The following INF2 variants were observed in gnomAD, a reference collection of about 807,000 sequenced individuals.
The protein encoded by INF2 is inverted formin-2.
Under a neutral mutation model 123.5 loss-of-function variants are expected in INF2, and 43 were observed. That is an observed-to-expected ratio of 0.35 (90% CI 0.27 to 0.45). INF2 has a LOEUF of 0.45. Ranked by LOEUF, INF2 falls within the 20% of genes least tolerant of loss-of-function variation. The pLI, the probability that INF2 is intolerant of heterozygous loss-of-function variation, is 1.00. For missense variants in INF2, 1,453 were observed against 1,682.7 expected (o/e 0.86, Z 2.39); for synonymous variants, 851 against 745.0 (o/e 1.14, Z -2.32).
chr14:104,702,505 C>T (rs1239070063), intron 2 of INF2, among the ~76,000 whole-genome samples: 1 of 152,232 alleles, frequency 6.6e-6, no homozygotes, highest in Non-Finnish European at 1.5e-5. Flanking sequence ...CAGGTCCTAC[C>T]GATGCTTGGG....
chr14:104,696,494 A>T (rs1889197641), intron 1 of INF2, among the ~76,000 whole-genome samples: 1 of 152,208 alleles, frequency 6.6e-6, no homozygotes, highest in South Asian at 2.1e-4. Context: ...CCACCAGGTC[A>T]GTAGAGGTCC....
rs1407364340 is a variant in INF2, at chr14:104,714,332, C to G, written c.3170C>G (p.Pro1057Arg). ...CTTGTAGACGCCGTGACCCCCGGCC[C>G]TCAGCCCACCCTGGAGCAGTTGGAG... ...WDLVDAVTPGPQPTLEQLEEG... is the reference protein window; with the variant it reads ...WDLVDAVTPGRQPTLEQLEEG... Residue 1057 changes from proline (P) to arginine (R), a missense_variant, in exon 21 of 23, where the codon CCT (proline) becomes CGT (arginine). Coordinates refer to ENST00000392634, the MANE Select transcript of INF2 (RefSeq NM_022489.4). 1.9e-6 allele frequency: 3 copies of G among 1,591,930 alleles called. No homozygotes were observed. The East Asian group carries it at 6.9e-5, about 36-fold the overall frequency.
rs1394197712 is a variant in INF2 at position 104,707,931 on chromosome 14, G to A, written c.1664G>A (p.Arg555Gln). The A allele has an allele frequency of 2.5e-6, 4 of 1,600,110 alleles. No individual in the cohort carries two copies. The highest frequency in any genetic ancestry group is 1.7e-5 in the Admixed American group (1 of 59,990). The change falls in exon 8 of 23, where the codon CGG becomes CAG. Residue 555 changes from arginine (R) to glutamine (Q), a missense_variant. By Grantham distance (43) the Arg-to-Gln change is conservative. Transcript: ENST00000392634. ...GGCTCAGCATGGGTCCCCAGCCATC[G>A]GCGGGTGAACCCACCCACACTGCGC... ...GLGSAWVPSH[R>Q]RVNPPTLRMK...
chr14:104,697,892 G>C (rs1281254161), intron 1 of INF2, among the ~76,000 whole-genome samples: 6 of 151,722 alleles, frequency 4.0e-5, no homozygotes, highest in Non-Finnish European at 1.5e-5. Context: ...ACTGCCGGGG[G>C]GGGTGGATGG....
intron 1 of INF2, among the ~76,000 whole-genome samples, chr14:104,698,253 C>G (rs962309455): frequency 6.6e-6 from 1 of 152,224 alleles, no homozygotes; most frequent in African/African-American, 2.4e-5. Context: ...CACCTTCCAG[C>G]GTATTGTTCC....
Position 104,721,232 on chromosome 14 carries a change from T to C in INF2, c.*2439T>C, listed in dbSNP as rs1890546665. The C allele has an allele frequency of 8.0e-6, 1 of 125,462 alleles. No homozygotes were observed. The highest frequency in any genetic ancestry group is 3.2e-5 in the African/African-American group (1 of 31,714). The allele number at this position is 125,462 out of a possible 1,614,324, so 7.8% of individuals were successfully genotyped here. A position where few individuals can be genotyped will look rare whatever the true frequency, so the allele number is the denominator to read the frequency against. On this transcript the variant is annotated 3_prime_UTR_variant, in exon 23 of 23. Coordinates refer to ENST00000392634, the MANE Select transcript of INF2 (RefSeq NM_022489.4). ...GATGCTGCTGTGGACGTCTGCGTCGTCCTCGTGTGGATGCTGCTGTGGACG... is the reference window on the plus strand; with the variant it reads ...GATGCTGCTGTGGACGTCTGCGTCGCCCTCGTGTGGATGCTGCTGTGGACG...
intron 8 of INF2, 168 bp from the exon 9 acceptor site, chr14:104,708,268 A>T: frequency 2.1e-6 from 2 of 933,222 alleles, no homozygotes; most frequent in Non-Finnish European, 3.2e-6. Context: ...GGGCCCTGCT[A>T]CAGGTGCTCA....
intron 1 of INF2, among the ~76,000 whole-genome samples, chr14:104,683,848 C>T (rs913684799): frequency 1.3e-5 from 2 of 152,202 alleles, no homozygotes; most frequent in African/African-American, 4.8e-5. Flanking sequence ...CCGCCCCACC[C>T]CTGCCTCTTC....
chr14:104,709,949 G>T (rs1889968296), intron 12 of INF2, 139 bp from the exon 13 acceptor site: 7 of 800,230 alleles, frequency 8.7e-6, no homozygotes, highest in Non-Finnish European at 6.3e-6. Flanking sequence ...AGGCCCGGGA[G>T]GGTGCCTGTT....
At chr14:104,706,763 G>C in intron 6 of INF2, 147 bp from the exon 7 acceptor site, 1 of 858,578 alleles carries the variant, frequency 1.2e-6, no homozygotes, top group South Asian at 1.8e-5. Flanking sequence ...CATGTCACCA[G>C]TACCACAGTC....
At chr14:104,695,610 G>GACCCCTCCTCCCAGTC (rs1889155548) in intron 1 of INF2, among the ~76,000 whole-genome samples, 1 of 151,964 alleles carries the variant, frequency 6.6e-6, no homozygotes, top group South Asian at 2.1e-4. Context: ...TCCTCCCAGT[G>GACCCCTCCTCCCAGTC]AGCCGGGGCA....
chr14:104,713,731 T>A, intron 20 of INF2, 125 bp downstream of exon 20: 1 of 1,079,344 alleles, frequency 9.3e-7, no homozygotes, highest in Non-Finnish European at 1.3e-6. Flanking sequence ...TGGAGGCCCC[T>A]AAGACTGGGG....
chr14:104,710,017 G>A, intron 12 of INF2, 71 bp from the exon 13 acceptor site: 1 of 1,309,780 alleles, frequency 7.6e-7, no homozygotes. Context: ...CCAGAGCCCT[G>A]TGCTGAGTGC....
rs983778786 is a variant in INF2 at position 104,699,259 on chromosome 14, A to G, written c.-9-2098A>G. On this transcript the variant is annotated intron_variant, in intron 1 of 22. Transcript: ENST00000392634. This position sits in a 1 kb window ranked among gnomAD's most constrained non-coding sequence, Gnocchi z 4.7. ...CCAGGGGCCGGGCCTGGGAGAGTTC[A>G]TAACTCCGTCCACTCAGCCTGTGCC... 2 of 333,456 alleles carry G rather than the reference A, an allele frequency of 6.0e-6. No homozygotes were observed. Among genetic ancestry groups the G allele is most frequent in the South Asian group, 1.2e-4 (1 of 8,426 alleles). 20.7% of individuals were successfully genotyped at this position (333,456 alleles called of 1,614,324 possible).
chr14:104,704,583 C>T (rs993151048), intron 5 of INF2: 1 of 154,564 alleles, frequency 6.5e-6, no homozygotes, highest in African/African-American at 2.4e-5. Context: ...GCGCGCTCCT[C>T]ATGACAATCT....
chr14:104,709,259 C>T (rs746490263), intron 10 of INF2, 22 bp from the exon 11 acceptor site: 19 of 1,590,780 alleles, frequency 1.2e-5, no homozygotes, highest in Non-Finnish European at 1.5e-5. Context: ...CTCACCCCTG[C>T]CCGGTCCTCT....
intron 1 of INF2, among the ~76,000 whole-genome samples, chr14:104,698,009 A>G (rs1448808538): frequency 6.6e-6 from 1 of 152,256 alleles, no homozygotes. Flanking sequence ...GCCCTGCCTC[A>G]GCCAGAGCTG....
chr14:104,708,414 T>C lies in INF2; in HGVS notation c.1736-22T>C, dbSNP rs771382628. 1.9e-6 allele frequency: 3 copies of C among 1,609,484 alleles called. No homozygotes were observed. In the East Asian group the frequency reaches 6.7e-5, roughly 36 times the overall value. ...GGCCCCGGGGCTGCGAGAGCCTCACTGGCCGTGTCCCCACCCGACAGAGCA... is the reference window on the plus strand; with the variant it reads ...GGCCCCGGGGCTGCGAGAGCCTCACCGGCCGTGTCCCCACCCGACAGAGCA... On this transcript the variant is annotated intron_variant, in intron 8 of 22. Coordinates refer to ENST00000392634, the MANE Select transcript of INF2 (RefSeq NM_022489.4).
chr14:104,708,191 C>A, intron 8 of INF2, 189 bp downstream of exon 8: 1 of 983,294 alleles, frequency 1.0e-6, no homozygotes, highest in Non-Finnish European at 1.5e-6. Context: ...AGGGCAGGGG[C>A]TACCTCTGAG....
Sources: gnomAD v4.1 joint callset for allele counts (sites outside exome capture counted in the v4.1 genomes callset) on GRCh38, gnomAD v4.1.1 for gene constraint, Gnocchi (gnomAD v3.1) non-coding constraint, MANE v1.5 for transcripts, NCBI Gene and HGNC (gene_info 2026-07-23, HGNC 2026-07-21) for gene names.